The following HECTD4 variants were observed in gnomAD, a reference collection of about 807,000 sequenced individuals.
The protein encoded by HECTD4 is HECT domain E3 ubiquitin protein ligase 4.
Under a neutral mutation model 471.5 loss-of-function variants are expected in HECTD4, and 114 were observed. The observed-to-expected ratio is 0.24, with a 90% CI of 0.21 to 0.28. The LOEUF is 0.28. Among genes scored for constraint, HECTD4 ranks in the 10% least tolerant of loss-of-function variants. HECTD4 has a pLI of 1.00. For synonymous variants in HECTD4, 2,012 were observed against 2,256.0 expected, an observed-to-expected ratio of 0.89 and a Z score of 3.07; for missense variants, 3,866 against 5,651.5, an observed-to-expected ratio of 0.68 and a Z score of 10.13.
At chr12:112,203,558 T>C (rs2032490809) in intron 54 of HECTD4, 78 bp downstream of exon 54, 1 of 1,221,776 alleles carries the variant, frequency 8.2e-7, no homozygotes, top group East Asian at 2.7e-5. Context: ...AATCACTTTT[T>C]AAGGTACCTG....
chr12:112,273,416 T>G (rs2034458685), intron 11 of HECTD4, among the ~76,000 whole-genome samples: 1 of 152,154 alleles, frequency 6.6e-6, no homozygotes, highest in South Asian at 2.1e-4. Flanking sequence ...ATAACAATTT[T>G]CCTTTAAAAA....
chr12:112,302,511 G>A (rs1859246), intron 7 of HECTD4: 87,070 of 734,590 alleles, frequency 0.12, 6,581 homozygotes, highest in African/African-American at 0.29. Flanking sequence ...ATTTCACAAA[G>A]TAGGTGAGTT....
intron 29 of HECTD4, among the ~76,000 whole-genome samples, chr12:112,244,263 A>T (rs1458217290): frequency 6.6e-6 from 1 of 152,256 alleles, no homozygotes; most frequent in Non-Finnish European, 1.5e-5. Context: ...TGAAAAATTC[A>T]TTGAATTTCA....
Position 112,162,768 on chromosome 12 carries a change from C to CTTT in HECTD4, c.13121-248_13121-246dup. On this transcript the variant is annotated intron_variant, in intron 75 of 75. Transcript: ENST00000682272. The surrounding 1 kb of genome is among the most constrained non-coding windows in gnomAD (Gnocchi z 5.2). ...GGTTTGTCTGCCCAGCAAATTGTTTCTTTTTTTTTTTTTTTAACCATTTTT... is the reference window on the plus strand; with the variant it reads ...GGTTTGTCTGCCCAGCAAATTGTTTCTTTTTTTTTTTTTTTTTTAACCATTTTT... 1.7e-5 allele frequency: 8 copies of CTTT among 465,614 alleles called. No individual in the cohort carries two copies. Among genetic ancestry groups the CTTT allele is most frequent in the Admixed American group, 4.0e-5 (1 of 25,288 alleles). 28.8% of individuals were successfully genotyped at this position (465,614 alleles called of 1,614,324 possible).
intron 1 of HECTD4, among the ~76,000 whole-genome samples, chr12:112,324,888 A>T (rs1399920075): frequency 6.6e-6 from 1 of 152,218 alleles, no homozygotes; most frequent in Non-Finnish European, 1.5e-5. Context: ...CAACTCTTTT[A>T]TATAAAATAC....
At chr12:112,372,153 T>C (rs898232908) in intron 1 of HECTD4, among the ~76,000 whole-genome samples, 7 of 151,272 alleles carry the variant, frequency 4.6e-5, no homozygotes, top group Non-Finnish European at 7.4e-5. Flanking sequence ...CACTCTGTCA[T>C]GCAGGCTGGA....
At chr12:112,187,077 T>G (rs2031895600) in intron 60 of HECTD4, among the ~76,000 whole-genome samples, 1 of 152,122 alleles carries the variant, frequency 6.6e-6, no homozygotes, top group Non-Finnish European at 1.5e-5. Flanking sequence ...CCTCCCAGGT[T>G]CAAGCAATTC....
In HECTD4 at chr12:112,265,271, G is replaced by A. The variant is rs1418466800; in HGVS notation, c.2523C>T (p.Tyr841=). The change falls in exon 16 of 76, where the codon TAC becomes TAT. Residue 841 remains tyrosine (Y), a synonymous_variant. Coordinates refer to ENST00000682272, the MANE Select transcript of HECTD4 (RefSeq NM_001388303.1). ...ATTCTCGTACAACAATCTTCAGAAT[G>A]TAGTGTAAAAGTTCATCATTTAGTC... is the stretch of plus-strand genomic sequence containing the variant. ...HYRLNDELLH[Y]ILKIVVRESC... is the part of the protein sequence containing the mutation. 3 of 1,579,802 alleles carry A rather than the reference G, an allele frequency of 1.9e-6. No homozygotes were observed. Among genetic ancestry groups the A allele is most frequent in the South Asian group, 2.3e-5 (2 of 86,402 alleles).
chr12:112,276,939 T>C (rs962602996), intron 9 of HECTD4, among the ~76,000 whole-genome samples: 1 of 152,060 alleles, frequency 6.6e-6, no homozygotes, highest in Non-Finnish European at 1.5e-5. Context: ...AAATAACAAA[T>C]GTTGGTGAGG....
At chr12:112,281,800 T>C (rs1175545443) in intron 8 of HECTD4, among the ~76,000 whole-genome samples, 3 of 152,222 alleles carry the variant, frequency 2.0e-5, no homozygotes, top group Non-Finnish European at 2.9e-5. Context: ...AAGATTACAC[T>C]GAATTCATTA....
Position 112,313,036 on chromosome 12 carries a change from G to C in HECTD4, c.897C>G (p.Gly299=). The part of the protein sequence containing the change: ...DMLPAPDSNT[G]SSSENKDADL... The stretch of plus-strand genomic sequence containing the variant: ...CATTACCTTTATTTTCAGAACTGGA[G>C]CCAGTGTTGCTATCCGGCGCAGGCA... Residue 299 remains glycine (G), a synonymous_variant, in exon 4 of 76, where the codon GGC becomes GGG. Coordinates refer to ENST00000682272, the MANE Select transcript of HECTD4 (RefSeq NM_001388303.1). 1 of 1,535,572 alleles carries C rather than the reference G, an allele frequency of 6.5e-7. No homozygotes were observed. Among genetic ancestry groups the C allele is most frequent in the South Asian group, 1.2e-5 (1 of 84,034 alleles).
chr12:112,184,153 G>A lies in HECTD4; in HGVS notation c.10779+34C>T. ...GGCTTGGGGGATTGAAATGGGTCATGATTTAGTGGTTGCAGAGGCTTGAAA... is the reference window on the plus strand; with the variant it reads ...GGCTTGGGGGATTGAAATGGGTCATAATTTAGTGGTTGCAGAGGCTTGAAA... On this transcript the variant is annotated intron_variant, in intron 61 of 75. Coordinates refer to ENST00000682272, the MANE Select transcript of HECTD4 (RefSeq NM_001388303.1). This position sits in a 1 kb window ranked among gnomAD's most constrained non-coding sequence, Gnocchi z 9.1. 1 of 1,537,718 alleles carries A rather than the reference G, an allele frequency of 6.5e-7. No individual in the cohort carries two copies. The highest frequency in any genetic ancestry group is 8.9e-7 in the Non-Finnish European group (1 of 1,124,622).
At chr12:112,284,029 T>C (rs189847696) in intron 7 of HECTD4, among the ~76,000 whole-genome samples, 9 of 151,768 alleles carry the variant, frequency 5.9e-5, no homozygotes, top group Admixed American at 5.9e-4. Context: ...TACTATAAGC[T>C]TCTCCTACTC....
Position 112,166,982 on chromosome 12 carries a change from A to G in HECTD4, c.12534+335T>C. The G allele has an allele frequency of 4.7e-6, 1 of 211,478 alleles. No individual in the cohort carries two copies. 13.1% of individuals were successfully genotyped at this position (211,478 alleles called of 1,614,324 possible). A position where few individuals can be genotyped will look rare whatever the true frequency, so the allele number is the denominator to read the frequency against. ...TCCTGTGCTCTGAGTCCCTGAAAAA[A>G]CTCTTAACCTTCACCCCTACAGCTG... On this transcript the variant is annotated intron_variant, in intron 72 of 75. Transcript: ENST00000682272. The surrounding 1 kb of genome is among the most constrained non-coding windows in gnomAD (Gnocchi z 4.6).
intron 29 of HECTD4, among the ~76,000 whole-genome samples, chr12:112,244,409 C>T (rs988980551): frequency 6.6e-6 from 1 of 152,084 alleles, no homozygotes; most frequent in African/African-American, 2.4e-5. Context: ...CGCTCTGTCA[C>T]CCAGGATGCA....
chr12:112,261,204 A>G (rs902070831), intron 18 of HECTD4, 101 bp downstream of exon 18: 2 of 1,273,688 alleles, frequency 1.6e-6, no homozygotes, highest in Non-Finnish European at 2.1e-6. Context: ...AAATCTCTCT[A>G]TATAAAATTG....
At chr12:112,170,847 A>G (rs1471518325) in intron 68 of HECTD4, 5 of 482,372 alleles carry the variant, frequency 1.0e-5, no homozygotes, top group African/African-American at 1.9e-5. Context: ...GAGGCCAGAT[A>G]GTAAACAGAC....
intron 1 of HECTD4, among the ~76,000 whole-genome samples, chr12:112,371,590 A>AC (rs1200212031): frequency 6.6e-6 from 1 of 151,774 alleles, no homozygotes; most frequent in Non-Finnish European, 1.5e-5. Flanking sequence ...AGAAAAAAAA[A>AC]GGAAAGAAAA....
chr12:112,231,178 T>G (rs575882067), intron 39 of HECTD4: 2 of 438,410 alleles, frequency 4.6e-6, no homozygotes, highest in East Asian at 8.3e-5. Flanking sequence ...GAAAGAAGTT[T>G]GTGTTCAGTT....
Sources: gnomAD v4.1 joint callset for allele counts (sites outside exome capture counted in the v4.1 genomes callset) on GRCh38, gnomAD v4.1.1 for gene constraint, Gnocchi (gnomAD v3.1) non-coding constraint, MANE v1.5 for transcripts, NCBI Gene and HGNC (gene_info 2026-07-23, HGNC 2026-07-21) for gene names.